NXPE2: variants seen among roughly 807,000 people sequenced by gnomAD.
The protein encoded by NXPE2 is NXPE family member 2.
In NXPE2, 34 loss-of-function variants were observed where a neutral mutation model predicts 34.4. The observed-to-expected ratio is 0.99, with a 90% CI of 0.75 to 1.31. The LOEUF (loss-of-function observed/expected upper bound fraction) is 1.31, where lower values mean the gene tolerates loss of function less well. NXPE2 is among the 40% of genes most tolerant of loss of function. The pLI, the probability that NXPE2 is intolerant of heterozygous loss-of-function variation, is 0.00. For missense variants in NXPE2, 649 were observed against 672.5 expected, an observed-to-expected ratio of 0.97 and a Z score of 0.39; for synonymous variants, 235 against 231.3, an observed-to-expected ratio of 1.02 and a Z score of -0.15.
the NXPE2 span, among the ~76,000 whole-genome samples, chr11:114,735,888 G>C: frequency 6.6e-6 from 1 of 152,140 alleles, no homozygotes; most frequent in African/African-American, 2.4e-5. Context: ...TTTCACATAG[G>C]TTCTTTTCTA....
chr11:114,698,028 C>T lies in NXPE2; in HGVS notation c.133-17C>T, dbSNP rs780437632. 2.8e-6 allele frequency: 4 copies of T among 1,452,956 alleles called. No homozygotes were observed. The highest frequency in any genetic ancestry group is 3.6e-6 in the Non-Finnish European group (4 of 1,097,960). 90.0% of individuals were successfully genotyped at this position (1,452,956 alleles called of 1,614,324 possible). A position where few individuals can be genotyped will look rare whatever the true frequency, so the allele number is the denominator to read the frequency against. ...TTGTTTGCTGATGATATTTTCTTTT[C>T]CCTTTCAATATTTCAGTTCTCGTTC... On this transcript the variant is annotated splice_polypyrimidine_tract_variant and intron_variant, in intron 2 of 5. Coordinates refer to ENST00000389586, the MANE Select transcript of NXPE2 (RefSeq NM_182495.6).
the NXPE2 span, among the ~76,000 whole-genome samples, chr11:114,540,807 C>T: frequency 7.8e-6 from 1 of 128,146 alleles, no homozygotes; most frequent in African/African-American, 2.9e-5. Flanking sequence ...AGTCTACTAG[C>T]AGAGTAGCTA....
chr11:114,736,873 C>T, the NXPE2 span, among the ~76,000 whole-genome samples: 1,265 of 152,294 alleles, frequency 8.3e-3, 7 homozygotes, highest in African/African-American at 0.017. Flanking sequence ...TGGCTTCAGC[C>T]GGTCCCTCCA....
the NXPE2 span, among the ~76,000 whole-genome samples, chr11:114,638,777 C>T: frequency 5.7e-3 from 872 of 152,008 alleles, 9 homozygotes; most frequent in Non-Finnish European, 9.3e-3. Context: ...TGCAGAACAG[C>T]GGATTTTCGT....
At chr11:114,689,990 G>C (rs1951120840) in intron 2 of NXPE2, among the ~76,000 whole-genome samples, 1 of 152,182 alleles carries the variant, frequency 6.6e-6, no homozygotes, top group African/African-American at 2.4e-5. Flanking sequence ...TTATATGTGA[G>C]ATGAATCTCC....
At chr11:114,578,886 G>A in the NXPE2 span, among the ~76,000 whole-genome samples, 178 of 152,302 alleles carry the variant, frequency 1.2e-3, no homozygotes, top group African/African-American at 3.6e-3. Flanking sequence ...TGCAATGGCT[G>A]TTGTTTTTTT....
chr11:114,580,804 GA>G, the NXPE2 span, among the ~76,000 whole-genome samples: 1 of 152,080 alleles, frequency 6.6e-6, no homozygotes, highest in Non-Finnish European at 1.5e-5. Context: ...TTTGGCTTGG[GA>G]ACTGACCAAT....
chr11:114,634,924 T>G, the NXPE2 span, among the ~76,000 whole-genome samples: 1 of 152,066 alleles, frequency 6.6e-6, no homozygotes, highest in African/African-American at 2.4e-5. Flanking sequence ...TTCTTTTGGC[T>G]TAGGATGAAC....
chr11:114,637,688 G>T, the NXPE2 span, among the ~76,000 whole-genome samples: 1 of 150,930 alleles, frequency 6.6e-6, no homozygotes, highest in African/African-American at 2.4e-5. Context: ...GCATTTGCTT[G>T]TCTGTAAAGT....
chr11:114,637,548 CTTCCT>C, the NXPE2 span, among the ~76,000 whole-genome samples: 110 of 150,902 alleles, frequency 7.3e-4, no homozygotes, highest in Middle Eastern at 6.8e-3. Flanking sequence ...GATACAGTTT[CTTCCT>C]AGTCTCAATG....
chr11:114,698,933 C>T (rs894626578), intron 3 of NXPE2, among the ~76,000 whole-genome samples, 155 bp downstream of exon 3: 1 of 152,134 alleles, frequency 6.6e-6, no homozygotes, highest in African/African-American at 2.4e-5. Context: ...AGTGTGTTCA[C>T]AGGGATCCAT....
At chr11:114,715,500 A>G in the NXPE2 span, among the ~76,000 whole-genome samples, 1 of 152,188 alleles carries the variant, frequency 6.6e-6, no homozygotes, top group Non-Finnish European at 1.5e-5. Context: ...TTTTATGGTG[A>G]AGATATAAAA....
chr11:114,697,641 T>C lies in NXPE2; in HGVS notation c.133-404T>C, dbSNP rs1235748086. On this transcript the variant is annotated intron_variant, in intron 2 of 5. Transcript: ENST00000389586. Reference sequence around the variant, plus strand: ...TCCTCCAACAGCAGTGGAATATACATTCTTTCCCAGTGCACATGAAACATG... The same window carrying C: ...TCCTCCAACAGCAGTGGAATATACACTCTTTCCCAGTGCACATGAAACATG... Among the ~76,000 whole-genome samples the C allele has an allele frequency of 4.6e-5, 7 of 152,224 alleles. No homozygotes were observed. The South Asian group carries it at 1.4e-3, about 31-fold the overall frequency.
chr11:114,673,089 T>C, the NXPE2 span, among the ~76,000 whole-genome samples: 1 of 148,298 alleles, frequency 6.7e-6, no homozygotes, highest in African/African-American at 2.4e-5. Flanking sequence ...ATATATAACA[T>C]ATATAGTATA....
the NXPE2 span, among the ~76,000 whole-genome samples, chr11:114,721,871 G>A: frequency 3.3e-5 from 5 of 152,088 alleles, no homozygotes; most frequent in East Asian, 9.6e-4. Context: ...GTATTCTACT[G>A]CCCATAGATA....
the NXPE2 span, among the ~76,000 whole-genome samples, chr11:114,622,524 T>G: frequency 6.6e-6 from 1 of 152,038 alleles, no homozygotes; most frequent in African/African-American, 2.4e-5. Flanking sequence ...GCCTCATGGG[T>G]AACCACTGTT....
chr11:114,714,402 A>G, the NXPE2 span, among the ~76,000 whole-genome samples: 1 of 152,206 alleles, frequency 6.6e-6, no homozygotes, highest in Admixed American at 6.5e-5. Context: ...AAAGTCTTTG[A>G]TGGCTTTAGT....
At chr11:114,585,557 A>G in the NXPE2 span, among the ~76,000 whole-genome samples, 536 of 152,292 alleles carry the variant, frequency 3.5e-3, 3 homozygotes, top group African/African-American at 0.012. Flanking sequence ...AATAATAAAG[A>G]GATCAATTCA....
the NXPE2 span, among the ~76,000 whole-genome samples, chr11:114,542,542 C>T: frequency 3.3e-5 from 5 of 152,172 alleles, no homozygotes; most frequent in Admixed American, 1.3e-4. Flanking sequence ...AATGTAGATA[C>T]AGTACAACTA....
Sources: gnomAD v4.1 joint callset for allele counts (sites outside exome capture counted in the v4.1 genomes callset) on GRCh38, gnomAD v4.1.1 for gene constraint, MANE v1.5 for transcripts, NCBI Gene and HGNC (gene_info 2026-07-23, HGNC 2026-07-21) for gene names.